Variants in CMIP observed in about 807,000 individuals in gnomAD.
CMIP encodes C-Maf-inducing protein.
CMIP carries 13 observed loss-of-function variants against 97.3 expected under a neutral mutation model. The ratio of observed to expected loss-of-function variants is 0.13; its 90% CI spans 0.09 to 0.21. The LOEUF (loss-of-function observed/expected upper bound fraction) is 0.21. Among genes scored for constraint, CMIP ranks in the 10% least tolerant of loss-of-function variants. The probability of loss-of-function intolerance (pLI) is 1.00; values close to 1 mark genes in which losing one functional copy is unlikely to be tolerated. For synonymous variants in CMIP, 538 were observed against 436.3 expected, an observed-to-expected ratio of 1.23 and a Z score of -2.91; for missense variants, 847 against 1,024.9, an observed-to-expected ratio of 0.83 and a Z score of 2.37.
chr16:81,471,792 T>C (rs1907575313), intron 1 of CMIP, among the ~76,000 whole-genome samples: 1 of 152,136 alleles, frequency 6.6e-6, no homozygotes, highest in African/African-American at 2.4e-5. Flanking sequence ...TGGAATTGAG[T>C]ACAGAGAGGG....
chr16:81,624,849 T>C (rs989495138), intron 3 of CMIP, among the ~76,000 whole-genome samples: 11 of 152,200 alleles, frequency 7.2e-5, no homozygotes, highest in African/African-American at 2.7e-4. Flanking sequence ...CAGGTCATCT[T>C]GGTCACGCTT....
intron 7 of CMIP, chr16:81,664,714 C>T (rs541640897): frequency 3.2e-4 from 144 of 444,384 alleles, no homozygotes; most frequent in African/African-American, 2.5e-3. Flanking sequence ...GAGGTCCTTC[C>T]AGAGAGCACT....
intron 1 of CMIP, among the ~76,000 whole-genome samples, chr16:81,587,916 C>T (rs899155971): frequency 9.9e-5 from 15 of 152,204 alleles, no homozygotes; most frequent in African/African-American, 3.1e-4. Flanking sequence ...TCCCTTGTCA[C>T]ATATCCTGGA....
At chr16:81,623,512 G>C (rs2092019897) in intron 3 of CMIP, among the ~76,000 whole-genome samples, 1 of 152,170 alleles carries the variant, frequency 6.6e-6, no homozygotes, top group Non-Finnish European at 1.5e-5. Flanking sequence ...GCATGCTTCA[G>C]ACACAGTGTT....
intron 1 of CMIP, among the ~76,000 whole-genome samples, chr16:81,576,001 T>A (rs1271258982): frequency 6.6e-6 from 1 of 152,220 alleles, no homozygotes; most frequent in Non-Finnish European, 1.5e-5. Flanking sequence ...AGTCACTAGG[T>A]ATTATCTCAT....
intron 1 of CMIP, among the ~76,000 whole-genome samples, chr16:81,531,045 G>C (rs1157426729): frequency 6.6e-6 from 1 of 152,182 alleles, no homozygotes; most frequent in Non-Finnish European, 1.5e-5. Context: ...TTACGCTGTA[G>C]TCTCTGTACC....
chr16:81,539,988 A>G (rs903869198), intron 1 of CMIP, among the ~76,000 whole-genome samples: 6 of 152,174 alleles, frequency 3.9e-5, no homozygotes, highest in African/African-American at 1.2e-4. Flanking sequence ...CCACCATGTT[A>G]TTGGTGAATG....
rs185893270 is a variant in CMIP, at chr16:81,627,375, G to T, written c.477+6449G>T. On this transcript the variant is annotated intron_variant, in intron 3 of 20. Coordinates refer to ENST00000537098, the MANE Select transcript of CMIP (RefSeq NM_198390.3). The surrounding 1 kb of genome is among the most constrained non-coding windows in gnomAD (Gnocchi z 4.6). Reference sequence around the variant, plus strand: ...CCGTGTGAGGATCGAAGGCTGTGTTGTTTGTGCAGCAGGCAGAAGGGATCC... The same window carrying T: ...CCGTGTGAGGATCGAAGGCTGTGTTTTTTGTGCAGCAGGCAGAAGGGATCC... 7.2e-5 allele frequency among the ~76,000 whole-genome samples: 11 copies of T among 152,158 alleles called. No individual in the cohort carries two copies. Among genetic ancestry groups the T allele is most frequent in the African/African-American group, 2.4e-4 (10 of 41,486 alleles).
rs376370488 is a variant in CMIP at position 81,640,770 on chromosome 16, G to GTGTGTGTGTC, written c.478-11432_478-11431insGTGTGTGTCT. Reference sequence around the variant, plus strand: ...TGTGTGTGTGTGTGTGTGTGTGTGTGTCTCTCTCTCTCTCCACATGGCCTT... The same window carrying GTGTGTGTGTC: ...TGTGTGTGTGTGTGTGTGTGTGTGTGTGTGTGTGTCTCTCTCTCTCTCTCCACATGGCCTT... On this transcript the variant is annotated intron_variant, in intron 3 of 20. Transcript: ENST00000537098. Among the ~76,000 whole-genome samples, 819 of 135,688 alleles carry GTGTGTGTGTC rather than the reference G, an allele frequency of 6.0e-3. 13 individuals are homozygous for GTGTGTGTGTC. Among genetic ancestry groups the GTGTGTGTGTC allele is most frequent in the East Asian group, 0.051 (228 of 4,482 alleles). The allele number at this position is 135,688 out of a possible 152,430, so 89.0% of individuals were successfully genotyped here. A position where few individuals can be genotyped will look rare whatever the true frequency, so the allele number is the denominator to read the frequency against.
rs921726512 is a variant in CMIP, at chr16:81,511,997, GA to G, written c.300+66464del. Among the ~76,000 whole-genome samples the G allele has an allele frequency of 9.4e-4, 142 of 151,680 alleles. 2 individuals are homozygous for G. The East Asian group carries it at 0.011, about 12-fold the overall frequency. ...ACACTGGATTTTGAAGACTTAGTAT[GA>G]AAAAAAATATACAGTATCTCACTAC... On this transcript the variant is annotated intron_variant, in intron 1 of 20. Transcript: ENST00000537098.
intron 1 of CMIP, among the ~76,000 whole-genome samples, chr16:81,564,764 G>A (rs933773894): frequency 6.6e-6 from 1 of 152,172 alleles, no homozygotes; most frequent in Admixed American, 6.5e-5. Flanking sequence ...TCAGCAAGTC[G>A]GGCACACAAT....
At chr16:81,650,076 C>T (rs746747937) in intron 3 of CMIP, among the ~76,000 whole-genome samples, 18 of 152,204 alleles carry the variant, frequency 1.2e-4, no homozygotes, top group South Asian at 8.3e-4. Flanking sequence ...GGACTGGGTG[C>T]GTCTCATCGT....
Position 81,462,437 on chromosome 16 carries a change from G to A in CMIP, c.300+16896G>A, listed in dbSNP as rs139212200. On this transcript the variant is annotated intron_variant, in intron 1 of 20. Transcript: ENST00000537098. Reference sequence around the variant, plus strand: ...CTCCCTCTCTAGGGCAATAAACCAGGCTAGGGGGTCAGTGACGCTTCCCCA... The same window carrying A: ...CTCCCTCTCTAGGGCAATAAACCAGACTAGGGGGTCAGTGACGCTTCCCCA... Among the ~76,000 whole-genome samples the A allele has an allele frequency of 9.4e-3, 1,437 of 152,216 alleles. 33 individuals are homozygous for A. Among genetic ancestry groups the A allele is most frequent in the African/African-American group, 0.033 (1,360 of 41,514 alleles).
At chr16:81,667,759 GGAGAGAAA>G (rs1211913612) in intron 7 of CMIP, among the ~76,000 whole-genome samples, 1 of 101,034 alleles carries the variant, frequency 9.9e-6, no homozygotes, top group Non-Finnish European at 2.1e-5. Context: ...AGGGAGGGAG[GGAGAGAAA>G]GAGAGAGAGA....
intron 1 of CMIP, among the ~76,000 whole-genome samples, chr16:81,600,947 G>T (rs11860671): frequency 6.6e-6 from 1 of 152,176 alleles, no homozygotes; most frequent in Admixed American, 6.5e-5. Flanking sequence ...CCCAGGGTGT[G>T]TGTGCAGGTC....
rs76115004 is a variant in CMIP, at chr16:81,557,703, C to G, written c.301-49864C>G. ...GGTGGGAGGATCGCCTAGTTCAAGG[C>G]TACAATGAGCTATGATGTTGCTACT... On this transcript the variant is annotated intron_variant, in intron 1 of 20. Coordinates refer to ENST00000537098, the MANE Select transcript of CMIP (RefSeq NM_198390.3). Among the ~76,000 whole-genome samples the G allele has an allele frequency of 7.3e-3, 1,114 of 152,276 alleles. 20 individuals are homozygous for G. Among genetic ancestry groups the G allele is most frequent in the African/African-American group, 0.025 (1,052 of 41,540 alleles).
chr16:81,586,701 T>G (rs928421130), intron 1 of CMIP, among the ~76,000 whole-genome samples: 1 of 152,206 alleles, frequency 6.6e-6, no homozygotes, highest in African/African-American at 2.4e-5. Context: ...TCTGAAGTAT[T>G]CGTCCCACTT....
intron 1 of CMIP, among the ~76,000 whole-genome samples, chr16:81,496,374 A>T (rs1268080107): frequency 6.6e-6 from 1 of 152,212 alleles, no homozygotes; most frequent in Non-Finnish European, 1.5e-5. Flanking sequence ...ATGGGAAACA[A>T]GGAAGTAAGT....
At chr16:81,583,621 T>C (rs549886227) in intron 1 of CMIP, among the ~76,000 whole-genome samples, 3 of 152,196 alleles carry the variant, frequency 2.0e-5, no homozygotes, top group Non-Finnish European at 4.4e-5. Flanking sequence ...CTCACTGTGT[T>C]TCCTCTCACT....
Sources: allele counts gnomAD v4.1 joint callset (sites outside exome capture counted in the v4.1 genomes callset), GRCh38; gene constraint gnomAD v4.1.1; non-coding constraint Gnocchi (gnomAD v3.1); transcripts MANE v1.5; gene names NCBI Gene and HGNC (gene_info 2026-07-23, HGNC 2026-07-21).